VWF: variants seen among roughly 807,000 people sequenced by gnomAD.
VWF encodes Factor VIII related antigen.
A neutral mutation model predicts 308.6 loss-of-function variants in VWF; 176 were observed. That is an observed-to-expected ratio of 0.57 (90% CI 0.50 to 0.65). VWF has a LOEUF of 0.65. Ranked by LOEUF, VWF falls within the 30% of genes least tolerant of loss-of-function variation. The probability of loss-of-function intolerance (pLI) is 0.00; values close to 1 mark genes in which losing one functional copy is unlikely to be tolerated. For missense variants in VWF, 3,146 were observed against 3,648.2 expected (o/e 0.86, Z 3.55); for synonymous variants, 1,385 against 1,443.4 (o/e 0.96, Z 0.92).
At chr12:6,003,562 T>C (rs1943895094) in intron 34 of VWF, among the ~76,000 whole-genome samples, 1 of 151,172 alleles carries the variant, frequency 6.6e-6, no homozygotes, top group Admixed American at 6.6e-5. Context: ...TGGATGAACC[T>C]TGAAGACATT....
intron 6 of VWF, among the ~76,000 whole-genome samples, chr12:6,092,136 T>A (rs1429797050): frequency 6.6e-6 from 1 of 151,788 alleles, no homozygotes; most frequent in Admixed American, 6.6e-5. Context: ...CAGAAAAAAA[T>A]AAAATCCTAA....
intron 47 of VWF, among the ~76,000 whole-genome samples, chr12:5,958,081 G>T (rs1314641107): frequency 6.6e-6 from 1 of 151,488 alleles, no homozygotes; most frequent in Non-Finnish European, 1.5e-5. Flanking sequence ...ACAGTGAAAA[G>T]GCCAATAAAG....
At chr12:6,110,736 C>A (rs1490518456) in intron 4 of VWF, 130 bp downstream of exon 4, 4 of 1,307,846 alleles carry the variant, frequency 3.1e-6, no homozygotes, top group Non-Finnish European at 4.4e-6. Context: ...TGGCTCTCAC[C>A]CAGCCCTGCT....
At chr12:5,986,164 C>T (rs74902216) in intron 38 of VWF, among the ~76,000 whole-genome samples, 1,553 of 152,268 alleles carry the variant, frequency 0.01, 27 homozygotes, top group African/African-American at 0.036. Context: ...AAATGGGAGA[C>T]GGCCCAGGGC....
chr12:6,080,791 G>A (rs772894441), intron 6 of VWF, among the ~76,000 whole-genome samples: 2 of 152,136 alleles, frequency 1.3e-5, no homozygotes, highest in Non-Finnish European at 1.5e-5. Flanking sequence ...TCTACTTTCC[G>A]CCTGTTCCCA....
chr12:6,097,163 C>A (rs1945113022), intron 5 of VWF, among the ~76,000 whole-genome samples: 1 of 152,110 alleles, frequency 6.6e-6, no homozygotes, highest in South Asian at 2.1e-4. Flanking sequence ...AGAGGCCGGG[C>A]ACGGTGGCTG....
chr12:5,963,971 G>A (rs1943348418), intron 47 of VWF, among the ~76,000 whole-genome samples: 1 of 152,150 alleles, frequency 6.6e-6, no homozygotes. Flanking sequence ...ACTTTGGGAG[G>A]CCAAGGTGGG....
chr12:5,970,717 A>G (rs1943462984), intron 44 of VWF, among the ~76,000 whole-genome samples: 1 of 152,160 alleles, frequency 6.6e-6, no homozygotes, highest in Admixed American at 6.5e-5. Context: ...AGGAGATGGG[A>G]AAGGCTCAGG....
At position 6,062,975 on chromosome 12, in the gene VWF, G is replaced by A; in HGVS notation, c.1512C>T (p.Gly504=). Residue 504 remains glycine, a synonymous_variant, in exon 13 of 52, where the codon GGC becomes GGT. Transcript: ENST00000261405. ...YGEDLQMDWD[G]RGRLLVKLSP... ...CTACCTTCACCAGCAGCCTCCCGCG[G>A]CCATCCCAGTCCATCTGCAGGTCCT... The A allele has an allele frequency of 1.2e-6, 2 of 1,613,010 alleles. No homozygotes were observed. The highest frequency in any genetic ancestry group is 1.7e-6 in the Non-Finnish European group (2 of 1,179,992).
chr12:6,039,279 TG>T (rs1944371143), intron 18 of VWF, among the ~76,000 whole-genome samples: 3 of 152,246 alleles, frequency 2.0e-5, no homozygotes, highest in Admixed American at 6.5e-5. Context: ...GGGGTCAGGC[TG>T]AGAACGTGGT....
chr12:5,984,852 G>C (rs1428013001), intron 40 of VWF, among the ~76,000 whole-genome samples, 193 bp downstream of exon 40: 1 of 152,212 alleles, frequency 6.6e-6, no homozygotes, highest in Non-Finnish European at 1.5e-5. Context: ...ATTTACAGTA[G>C]ATTCTTCTAG....
In VWF at chr12:6,026,060, T is replaced by C. The variant is rs1201852829; in HGVS notation, c.2968-14A>G. On this transcript the variant is annotated splice_polypyrimidine_tract_variant and intron_variant, in intron 22 of 51. Coordinates refer to ENST00000261405, the MANE Select transcript of VWF (RefSeq NM_000552.5). ...ACACACTTTCTCCTTGAGAGACAAG[T>C]TGAGGGATGAGCACCGTCAAGCCCA... The C allele has an allele frequency of 6.2e-7, 1 of 1,613,826 alleles. No individual in the cohort carries two copies. The highest frequency in any genetic ancestry group is 2.2e-5 in the East Asian group (1 of 44,858).
chr12:6,029,501 A>G lies in VWF; in HGVS notation c.2821-13T>C. On this transcript the variant is annotated splice_polypyrimidine_tract_variant and intron_variant, in intron 21 of 51. Transcript: ENST00000261405. Reference sequence around the variant, plus strand: ...TCTTCACATTCACCTGGAGGAAGACAAAGCAAGAAATCCAGGAGGATGAAG... The same window carrying G: ...TCTTCACATTCACCTGGAGGAAGACGAAGCAAGAAATCCAGGAGGATGAAG... 1 of 1,614,032 alleles carries G rather than the reference A, an allele frequency of 6.2e-7. No homozygotes were observed. The highest frequency in any genetic ancestry group is 1.7e-4 in the Middle Eastern group (1 of 6,060).
At chr12:6,086,305 C>A (rs1944970886) in intron 6 of VWF, among the ~76,000 whole-genome samples, 1 of 152,156 alleles carries the variant, frequency 6.6e-6, no homozygotes, top group African/African-American at 2.4e-5. Context: ...GAGAGCAGTT[C>A]TCATCAAAAC....
intron 5 of VWF, among the ~76,000 whole-genome samples, chr12:6,106,946 G>A (rs945240269): frequency 2.0e-5 from 3 of 151,212 alleles, no homozygotes; most frequent in African/African-American, 4.9e-5. Flanking sequence ...TAAAAAATGC[G>A]GCGGGGTGTA....
rs1025645485 is a variant in VWF at position 5,969,376 on chromosome 12, C to A, written c.7564G>T (p.Ala2522Ser). 6.2e-7 allele frequency: 1 copy of A among 1,614,214 alleles called. No homozygotes were observed. ...SSWKSVGSQW[A>S]SPENPCLINE... ...ATGAGGCAGGGGTTCTCCGGGGAGGCCCACTGGGAGCCGACCTGCAGGGCA... is the reference window on the plus strand; with the variant it reads ...ATGAGGCAGGGGTTCTCCGGGGAGGACCACTGGGAGCCGACCTGCAGGGCA... Residue 2522 changes from alanine (A) to serine (S), a missense_variant, in exon 45 of 52, where the codon GCC becomes TCC. Around this residue, in one of 3 missense-constraint regions of VWF, gnomAD observed 989 missense variants for 1,117.4 expected, o/e 0.89. Transcript: ENST00000261405.
Position 6,009,768 on chromosome 12 carries a change from T to C in VWF, c.5842+1849A>G, listed in dbSNP as rs149778034. 5.5e-3 allele frequency among the ~76,000 whole-genome samples: 834 copies of C among 152,288 alleles called. 13 individuals are homozygous for C. Among genetic ancestry groups the C allele is most frequent in the African/African-American group, 0.019 (777 of 41,568 alleles). ...ACAAATGGATAAAGAAAATGTGGTA[T>C]ATACATGCAATGGAATACTATTCAG... On this transcript the variant is annotated intron_variant, in intron 34 of 51. Transcript: ENST00000261405.
In VWF at chr12:6,076,971, T is replaced by C. The variant is rs148083996; in HGVS notation, c.658-1420A>G. On this transcript the variant is annotated intron_variant, in intron 6 of 51. Coordinates refer to ENST00000261405, the MANE Select transcript of VWF (RefSeq NM_000552.5). ...GTGTTCTAGCCCCAATGCCTGGTGC[T>C]AGGGCCCTGCCGCTTGCTAGGCCTC... 2.0e-5 allele frequency among the ~76,000 whole-genome samples: 3 copies of C among 152,334 alleles called. No homozygotes were observed. In the East Asian group the frequency reaches 5.8e-4, roughly 29 times the overall value.
intron 41 of VWF, among the ~76,000 whole-genome samples, chr12:5,982,741 T>C (rs769939465): frequency 1.3e-5 from 2 of 152,188 alleles, no homozygotes; most frequent in South Asian, 4.1e-4. Flanking sequence ...TGATTACATA[T>C]ATACACCTTC....
Sources: allele counts gnomAD v4.1 joint callset (sites outside exome capture counted in the v4.1 genomes callset), GRCh38; gene constraint gnomAD v4.1.1; regional missense constraint gnomAD v4.1.1; transcripts MANE v1.5; gene names NCBI Gene and HGNC (gene_info 2026-07-23, HGNC 2026-07-21).